TRIM69: variants seen among roughly 807,000 people sequenced by gnomAD.
The protein encoded by TRIM69 is E3 ubiquitin-protein ligase TRIM69.
TRIM69 carries 29 observed loss-of-function variants against 37.7 expected under a neutral mutation model. The ratio of observed to expected loss-of-function variants is 0.77; its 90% CI spans 0.57 to 1.05. The LOEUF (loss-of-function observed/expected upper bound fraction) is 1.05. Ranked by LOEUF, TRIM69 falls within the 50% of genes least tolerant of loss-of-function variation. The pLI is 0.00. For missense variants in TRIM69, 596 were observed against 579.9 expected, an observed-to-expected ratio of 1.03 and a Z score of -0.28; for synonymous variants, 209 against 212.4, an observed-to-expected ratio of 0.98 and a Z score of 0.14.
chr15:44,738,221 G>T (rs1460123219), intron 1 of TRIM69, among the ~76,000 whole-genome samples: 1 of 125,488 alleles, frequency 8.0e-6, no homozygotes, highest in East Asian at 2.3e-4. Flanking sequence ...ACCACGCCTG[G>T]CTAATTTTTG....
intron 6 of TRIM69, among the ~76,000 whole-genome samples, chr15:44,760,892 G>C (rs1049905928): frequency 2.7e-5 from 4 of 150,898 alleles, no homozygotes; most frequent in African/African-American, 9.7e-5. Context: ...GTAGTGTTTT[G>C]TGTCTTCTGG....
Position 44,758,629 on chromosome 15 carries a change from G to C in TRIM69, c.588G>C (p.Lys196Asn). 1 of 1,614,086 alleles carries C rather than the reference G, an allele frequency of 6.2e-7. No homozygotes were observed. The highest frequency in any genetic ancestry group is 8.5e-7 in the Non-Finnish European group (1 of 1,179,992). Reference sequence around the variant, plus strand: ...ATCATGGAGGTTTCCAGGAAAACAAGCTACATCTGCAGCAACATGTGTCCA... The same window carrying C: ...ATCATGGAGGTTTCCAGGAAAACAACCTACATCTGCAGCAACATGTGTCCA... ...KEAIAAHKEN[K>N]LHLQQHVSME... The change falls in exon 4 of 7, where the codon AAG (lysine) becomes AAC (asparagine). Residue 196 changes from lysine (K) to asparagine (N), a missense_variant. Physicochemically the swap from Lys to Asn is moderately conservative, Grantham distance 94. Coordinates refer to ENST00000329464, the MANE Select transcript of TRIM69 (RefSeq NM_182985.5).
intron 2 of TRIM69, among the ~76,000 whole-genome samples, chr15:44,755,611 G>T (rs7177509): frequency 0.015 from 2,331 of 152,244 alleles, 54 homozygotes; most frequent in African/African-American, 0.052. Flanking sequence ...CCTAAACTCT[G>T]CCATGGTAGC....
At chr15:44,747,682 G>T (rs993963217) in intron 1 of TRIM69, among the ~76,000 whole-genome samples, 4 of 152,174 alleles carry the variant, frequency 2.6e-5, no homozygotes, top group African/African-American at 9.7e-5. Context: ...ACCCAGGTTT[G>T]GGGAGATCAG....
At chr15:44,761,473 G>T (rs1215332380) in intron 6 of TRIM69, among the ~76,000 whole-genome samples, 1 of 151,924 alleles carries the variant, frequency 6.6e-6, no homozygotes, top group African/African-American at 2.4e-5. Context: ...CTCTTGTTTT[G>T]GTGGGAGGGT....
chr15:44,751,368 G>T (rs1005053572), intron 1 of TRIM69, among the ~76,000 whole-genome samples: 4 of 151,826 alleles, frequency 2.6e-5, no homozygotes, highest in Admixed American at 6.6e-5. Context: ...TGCCCACCTC[G>T]GCCTCCCAAA....
intron 1 of TRIM69, among the ~76,000 whole-genome samples, chr15:44,741,088 T>G (rs2087273911): frequency 6.6e-6 from 1 of 150,802 alleles, no homozygotes; most frequent in African/African-American, 2.4e-5. Flanking sequence ...TCAGCAAATG[T>G]AAAAGAACAG....
chr15:44,758,443 A>C, intron 3 of TRIM69, 178 bp from the exon 4 acceptor site: 1 of 936,824 alleles, frequency 1.1e-6, no homozygotes, highest in South Asian at 1.8e-5. Context: ...TTAGTTGGAA[A>C]AGGAGTAAGT....
intron 6 of TRIM69, among the ~76,000 whole-genome samples, 171 bp from the exon 7 acceptor site, chr15:44,767,060 A>AAAAAAAAAAAAAAAAC (rs2087907011): frequency 7.5e-6 from 1 of 133,882 alleles, no homozygotes; most frequent in African/African-American, 2.8e-5. Context: ...CCTCAAAAAA[A>AAAAAAAAAAAAAAAAC]AAAAAAAAAA....
chr15:44,738,063 T>C (rs1165685899), intron 1 of TRIM69, among the ~76,000 whole-genome samples: 6 of 147,354 alleles, frequency 4.1e-5, no homozygotes, highest in Non-Finnish European at 7.5e-5. Flanking sequence ...TCTTTTTTTT[T>C]TTTTTTTTTT....
chr15:44,760,719 T>A (rs1259627670), intron 6 of TRIM69, among the ~76,000 whole-genome samples: 2 of 152,122 alleles, frequency 1.3e-5, no homozygotes, highest in African/African-American at 4.8e-5. Context: ...AACCTCTCCA[T>A]AATCAAAATA....
intron 6 of TRIM69, among the ~76,000 whole-genome samples, chr15:44,765,785 A>AAAC (rs1388214729): frequency 7.3e-6 from 1 of 137,892 alleles, no homozygotes; most frequent in Non-Finnish European, 1.5e-5. Flanking sequence ...ACAAACAAAC[A>AAAC]AAAAAAAAAC....
chr15:44,749,069 C>T (rs914424082), intron 1 of TRIM69, among the ~76,000 whole-genome samples: 3 of 151,594 alleles, frequency 2.0e-5, no homozygotes, highest in African/African-American at 7.3e-5. Context: ...TTGTTTTTTC[C>T]GGTAGAGACA....
chr15:44,764,777 AT>A lies in TRIM69; in HGVS notation c.962-2453del, dbSNP rs1483114660. Among the ~76,000 whole-genome samples the A allele has an allele frequency of 2.0e-5, 3 of 152,218 alleles. No homozygotes were observed. The East Asian group carries it at 5.8e-4, about 29-fold the overall frequency. ...ATGCCCAAATAATGTGGAGTGAACCATATGGGGAAAAAGCATTCTAGGACAA... is the reference window on the plus strand; with the variant it reads ...ATGCCCAAATAATGTGGAGTGAACCAATGGGGAAAAAGCATTCTAGGACAA... On this transcript the variant is annotated intron_variant, in intron 6 of 6. Coordinates refer to ENST00000329464, the MANE Select transcript of TRIM69 (RefSeq NM_182985.5).
intron 1 of TRIM69, among the ~76,000 whole-genome samples, chr15:44,749,713 A>C (rs2087480851): frequency 6.6e-6 from 1 of 152,120 alleles, no homozygotes; most frequent in African/African-American, 2.4e-5. Context: ...TTGTTTGACT[A>C]TCTGTTTTCA....
chr15:44,758,850 T>C lies in TRIM69; in HGVS notation c.809T>C (p.Leu270Pro), dbSNP rs1323634961. The change falls in exon 4 of 7, where the codon CTC becomes CCC. Residue 270 changes from leucine to proline, a missense_variant. Transcript: ENST00000329464. Reference sequence around the variant, plus strand: ...GAACAACAGAACTCCTTCGACTTTCTCAAAGTGAGAATCCACACCAATATG... The same window carrying C: ...GAACAACAGAACTCCTTCGACTTTCCCAAAGTGAGAATCCACACCAATATG... ...KTEQQNSFDF[L>P]KDITTLLHSL... 10 of 1,611,364 alleles carry C rather than the reference T, an allele frequency of 6.2e-6. No homozygotes were observed. The highest frequency in any genetic ancestry group is 8.5e-6 in the Non-Finnish European group (10 of 1,178,770).
intron 6 of TRIM69, among the ~76,000 whole-genome samples, chr15:44,762,126 C>T (rs376187332): frequency 4.9e-4 from 75 of 152,072 alleles, no homozygotes; most frequent in East Asian, 4.5e-3. Context: ...CCACCACGCC[C>T]GGCTAATTTT....
chr15:44,759,488 G>A (rs1442174460), intron 4 of TRIM69, 152 bp from the exon 5 acceptor site: 1 of 741,556 alleles, frequency 1.3e-6, no homozygotes, highest in Non-Finnish European at 2.2e-6. Flanking sequence ...GATCAGGGAT[G>A]AAGATTAGAA....
chr15:44,759,751 G>A lies in TRIM69; in HGVS notation c.840G>A (p.Leu280=). The part of the protein sequence containing the change: ...LKDITTLLHS[L]EQGMKVLATR... ...AAATGATTTATGTGCCCTGCAGCTT[G>A]GAGCAAGGAATGAAGGTGCTGGCAA... Residue 280 remains leucine (L), a synonymous_variant, in exon 6 of 7, where the codon TTG becomes TTA. Transcript: ENST00000329464. 1 of 1,614,154 alleles carries A rather than the reference G, an allele frequency of 6.2e-7. No individual in the cohort carries two copies. Among genetic ancestry groups the A allele is most frequent in the Non-Finnish European group, 8.5e-7 (1 of 1,180,024 alleles).
Sources: gnomAD v4.1 joint callset for allele counts (sites outside exome capture counted in the v4.1 genomes callset) on GRCh38, gnomAD v4.1.1 for gene constraint, MANE v1.5 for transcripts, NCBI Gene and HGNC (gene_info 2026-07-23, HGNC 2026-07-21) for gene names.